GOLGA3: variants seen among roughly 807,000 people sequenced by gnomAD.
The protein encoded by GOLGA3 is golgin subfamily A member 3.
Under a neutral mutation model 169.4 loss-of-function variants are expected in GOLGA3, and 75 were observed. The ratio of observed to expected loss-of-function variants is 0.44; its 90% CI spans 0.37 to 0.54. GOLGA3 has a LOEUF of 0.54. Among genes scored for constraint, GOLGA3 ranks in the 20% least tolerant of loss-of-function variants. The pLI is 0.00. For synonymous variants in GOLGA3, 824 were observed against 822.4 expected, an observed-to-expected ratio of 1.00 and a Z score of -0.03; for missense variants, 1,899 against 1,930.0, an observed-to-expected ratio of 0.98 and a Z score of 0.30.
intron 11 of GOLGA3, among the ~76,000 whole-genome samples, chr12:132,794,813 AG>A (rs1197285522): frequency 1.3e-5 from 2 of 152,228 alleles, no homozygotes; most frequent in Admixed American, 1.3e-4. Flanking sequence ...CACTTAGTAC[AG>A]GTCAGTGTTT....
chr12:132,821,099 CAAAAA>C (rs61336622), intron 2 of GOLGA3, among the ~76,000 whole-genome samples: 3 of 49,324 alleles, frequency 6.1e-5, no homozygotes, highest in Middle Eastern at 0.018. Context: ...GACACCGTCT[CAAAAA>C]AAAAAAAAAA....
intron 1 of GOLGA3, chr12:132,827,878 G>C (rs985881754): frequency 2.7e-5 from 4 of 150,280 alleles, no homozygotes; most frequent in Non-Finnish European, 5.9e-5. Flanking sequence ...CACCAGCCTG[G>C]GCAATACAGC....
At chr12:132,786,280 G>C in intron 15 of GOLGA3, 59 bp downstream of exon 15, 1 of 1,181,722 alleles carries the variant, frequency 8.5e-7, no homozygotes, top group South Asian at 1.4e-5. Context: ...CTGATGGAGA[G>C]CCCTTCCCTG....
intron 4 of GOLGA3, chr12:132,811,980 AAC>A (rs1949731430): frequency 7.1e-6 from 1 of 141,344 alleles, no homozygotes; most frequent in Non-Finnish European, 1.5e-5. Flanking sequence ...CAGCCTGGGC[AAC>A]AGAGTGAGAC....
At chr12:132,819,218 T>C (rs556471467) in intron 2 of GOLGA3, among the ~76,000 whole-genome samples, 1 of 152,168 alleles carries the variant, frequency 6.6e-6, no homozygotes, top group Non-Finnish European at 1.5e-5. Context: ...AATTTGCTTT[T>C]TGCTCAAGCA....
At chr12:132,806,958 C>A (rs920600826) in intron 6 of GOLGA3, among the ~76,000 whole-genome samples, 2 of 152,020 alleles carry the variant, frequency 1.3e-5, no homozygotes, top group Non-Finnish European at 2.9e-5. Context: ...GGTAGAGACG[C>A]AGGGAGAAAC....
In GOLGA3 at chr12:132,769,034, A is replaced by G. The variant is rs1212295198; in HGVS notation, c.*4071T>C. The G allele has an allele frequency of 6.6e-6, 1 of 152,634 alleles. No individual in the cohort carries two copies. The highest frequency in any genetic ancestry group is 1.5e-5 in the Non-Finnish European group (1 of 68,030). 9.5% of individuals were successfully genotyped at this position (152,634 alleles called of 1,614,324 possible). ...TGTCAGACACGGTGACCCCTTTCCC[A>G]AGAACAGCCACAACTTGAGGACTCT... is the stretch of plus-strand genomic sequence containing the variant. On this transcript the variant is annotated 3_prime_UTR_variant, in exon 24 of 24. Coordinates refer to ENST00000450791, the MANE Select transcript of GOLGA3 (RefSeq NM_001389683.1).
chr12:132,810,872 A>G (rs921255603), intron 4 of GOLGA3, among the ~76,000 whole-genome samples: 1 of 152,246 alleles, frequency 6.6e-6, no homozygotes, highest in Non-Finnish European at 1.5e-5. Context: ...GCTGTGCTTC[A>G]GTGGTCACAC....
chr12:132,795,713 A>C, intron 11 of GOLGA3, 139 bp downstream of exon 11: 1 of 907,160 alleles, frequency 1.1e-6, no homozygotes, highest in Non-Finnish European at 1.7e-6. Context: ...GTGAGCGCAG[A>C]TCATCCCACT....
At chr12:132,826,310 G>A (rs1003018720) in intron 1 of GOLGA3, 3 of 716,516 alleles carry the variant, frequency 4.2e-6, no homozygotes, top group East Asian at 2.7e-5. Context: ...ACCACCACCT[G>A]AACAGAAGGA....
At chr12:132,797,161 T>C (rs1413453510) in intron 9 of GOLGA3, among the ~76,000 whole-genome samples, 1 of 152,214 alleles carries the variant, frequency 6.6e-6, no homozygotes, top group African/African-American at 2.4e-5. Flanking sequence ...TACTAAGCCC[T>C]TGAAGCACTA....
rs1207153836 is a variant in GOLGA3, at chr12:132,828,862, CGT to C, written c.-245_-244del. The C allele has an allele frequency of 2.0e-5, 3 of 152,266 alleles. No individual in the cohort carries two copies. Among genetic ancestry groups the C allele is most frequent in the Non-Finnish European group, 4.4e-5 (3 of 68,066 alleles). 9.4% of individuals were successfully genotyped at this position (152,266 alleles called of 1,614,324 possible). On this transcript the variant is annotated 5_prime_UTR_variant, in exon 1 of 24. Transcript: ENST00000450791. Reference sequence around the variant, plus strand: ...CCGGATGCTCCGGCGGAGACGTGGCCGTGAGAGGGGCGGGGCGAGCGGTGCAT... The same window carrying C: ...CCGGATGCTCCGGCGGAGACGTGGCCGAGAGGGGCGGGGCGAGCGGTGCAT...
chr12:132,803,041 G>A (rs569997253), intron 7 of GOLGA3, among the ~76,000 whole-genome samples: 2 of 150,774 alleles, frequency 1.3e-5, no homozygotes, highest in African/African-American at 2.4e-5. Context: ...GGCAACAAGA[G>A]TGAAACTCCG....
intron 11 of GOLGA3, among the ~76,000 whole-genome samples, chr12:132,794,931 G>A (rs570079363): frequency 6.6e-6 from 1 of 152,364 alleles, no homozygotes; most frequent in East Asian, 1.9e-4. Context: ...GCTCACACCT[G>A]TAATCCCAAC....
chr12:132,800,068 C>T (rs118136056), intron 8 of GOLGA3, among the ~76,000 whole-genome samples: 4,032 of 152,302 alleles, frequency 0.026, 142 homozygotes, highest in Admixed American at 0.1. Flanking sequence ...ATACACCTGG[C>T]TTGGCCTACG....
In GOLGA3 at chr12:132,777,137, T is replaced by C. The variant is rs745502740; in HGVS notation, c.3723-47A>G. ...GAAGGGAATCGCCACGCTCCTCCAG[T>C]GTGCTGTGCCCTCCCGCTGGGAAAT... On this transcript the variant is annotated intron_variant, in intron 19 of 23. Coordinates refer to ENST00000450791, the MANE Select transcript of GOLGA3 (RefSeq NM_001389683.1). This position sits in a 1 kb window ranked among gnomAD's most constrained non-coding sequence, Gnocchi z 4.7. 3.2e-6 allele frequency: 5 copies of C among 1,541,480 alleles called. 1 individual carries two copies. The highest frequency in any genetic ancestry group is 2.5e-5 in the South Asian group (2 of 78,912).
rs149248952 is a variant in GOLGA3 at position 132,786,407 on chromosome 12, C to A, written c.3055G>T (p.Ala1019Ser). Residue 1019 changes from alanine (A) to serine (S), a missense_variant, in exon 15 of 24, where the codon GCT becomes TCT. By Grantham distance (99) the Ala-to-Ser change is moderately conservative (BLOSUM62 1). Coordinates refer to ENST00000450791, the MANE Select transcript of GOLGA3 (RefSeq NM_001389683.1). ...AGCTGGCCCAGCTCCGCGTCCGCAG[C>A]CTCCTTGGCCGCGAGGGCCTCCTGC... ...RLQEALAAKEAADAELGQLRA... is the reference protein window; with the variant it reads ...RLQEALAAKESADAELGQLRA... 3.0e-5 allele frequency: 48 copies of A among 1,612,878 alleles called. No individual in the cohort carries two copies. The highest frequency in any genetic ancestry group is 3.7e-5 in the Non-Finnish European group (44 of 1,179,624).
chr12:132,784,763 T>TG (rs540765668), intron 15 of GOLGA3, among the ~76,000 whole-genome samples: 153 of 142,760 alleles, frequency 1.1e-3, no homozygotes, highest in African/African-American at 3.8e-3. Context: ...ACCCCACGTG[T>TG]TCACACCCCA....
Position 132,816,606 on chromosome 12 carries a change from C to T in GOLGA3, c.340G>A (p.Gly114Ser). Residue 114 changes from glycine to serine, a missense_variant, in exon 3 of 24, where the codon GGC becomes AGC. Gly to Ser is a moderately conservative substitution (Grantham distance 56). Transcript: ENST00000450791. ...LRKSQGTSAE[G>S]SVRKEALQSL... is the part of the protein sequence containing the mutation. ...TGCAAAGCTTCTTTTCTAACACTGC[C>T]CTCAGCACTAGTTCCCTGAGACTTC... 1 of 1,614,038 alleles carries T rather than the reference C, an allele frequency of 6.2e-7. No individual in the cohort carries two copies. The highest frequency in any genetic ancestry group is 1.1e-5 in the South Asian group (1 of 91,080).
Sources: gnomAD v4.1 joint callset for allele counts (sites outside exome capture counted in the v4.1 genomes callset) on GRCh38, gnomAD v4.1.1 for gene constraint, Gnocchi (gnomAD v3.1) non-coding constraint, MANE v1.5 for transcripts, NCBI Gene and HGNC (gene_info 2026-07-23, HGNC 2026-07-21) for gene names.